CCDC85C: variants seen among roughly 807,000 people sequenced by gnomAD.
CCDC85C encodes coiled-coil domain containing 85C.
A neutral mutation model predicts 38.3 loss-of-function variants in CCDC85C; 18 were observed. The ratio of observed to expected loss-of-function variants is 0.47; its 90% CI spans 0.33 to 0.70. The LOEUF (loss-of-function observed/expected upper bound fraction) is 0.70. Ranked by LOEUF, CCDC85C falls within the 30% of genes least tolerant of loss-of-function variation. The probability of loss-of-function intolerance (pLI) is 0.03; values close to 1 mark genes in which losing one functional copy is unlikely to be tolerated. For missense variants in CCDC85C, 566 were observed against 621.2 expected (o/e 0.91, Z 0.94); for synonymous variants, 264 against 293.8 (o/e 0.90, Z 1.04).
At chr14:99,573,107 G>A (rs1898391018) in intron 1 of CCDC85C, 1 of 305,550 alleles carries the variant, frequency 3.3e-6, no homozygotes, top group African/African-American at 2.2e-5. Flanking sequence ...AGACCAGGCA[G>A]GGACTCAGGC....
rs773413663 is a variant in CCDC85C at position 99,500,861 on chromosome 14, G to A, written c.*14385C>T. 91 of 1,532,650 alleles carry A rather than the reference G, an allele frequency of 5.9e-5. No individual in the cohort carries two copies. The highest frequency in any genetic ancestry group is 7.9e-5 in the Non-Finnish European group (89 of 1,133,736). The allele number at this position is 1,532,650 out of a possible 1,614,324, so 94.9% of individuals were successfully genotyped here. A position where few individuals can be genotyped will look rare whatever the true frequency, so the allele number is the denominator to read the frequency against. On this transcript the variant is annotated 3_prime_UTR_variant, in exon 6 of 6. Transcript: ENST00000380243. ...ACCAGTTCCTACTAAAATATGCAAA[G>A]CAACTCAAAGGTAAGAAGAAAGTTT... is the stretch of plus-strand genomic sequence containing the variant.
At position 99,522,147 on chromosome 14, in the gene CCDC85C, C is replaced by T; in HGVS notation, c.961G>A (p.Asp321Asn). ...QLASLPPSYQ[D>N]SLQNGPACPA... The stretch of plus-strand genomic sequence containing the variant: ...TGCACACTCACGTTCTGCAGGGAGT[C>T]CTGGTAGGAGGGCGGCAGGGACGCA... Residue 321 changes from aspartate to asparagine, a missense_variant, in exon 3 of 6, where the codon GAC becomes AAC. Around this residue, in one of 3 missense-constraint regions of CCDC85C, gnomAD observed 286 missense variants for 276.4 expected, o/e 1.03. Transcript: ENST00000380243. 2 of 1,550,936 alleles carry T rather than the reference C, an allele frequency of 1.3e-6. No individual in the cohort carries two copies. The highest frequency in any genetic ancestry group is 8.7e-7 in the Non-Finnish European group (1 of 1,146,768).
chr14:99,603,412 T>C lies in CCDC85C; in HGVS notation c.548A>G (p.Gln183Arg). ...GAGSRSSIDS[Q>R]ASLSGPLSGG... Reference sequence around the variant, plus strand: ...CGACAGCGGCCCGCTCAGGCTGGCCTGGCTGTCGATGGAGCTGCGGGAGCC... The same window carrying C: ...CGACAGCGGCCCGCTCAGGCTGGCCCGGCTGTCGATGGAGCTGCGGGAGCC... The change falls in exon 1 of 6, where the codon CAG becomes CGG. Residue 183 changes from glutamine to arginine, a missense_variant. Physicochemically the swap from Gln to Arg is conservative, Grantham distance 43. This residue lies in a region of CCDC85C where 269 missense variants were observed against 308.2 expected (regional missense o/e 0.87). Coordinates refer to ENST00000380243, the MANE Select transcript of CCDC85C (RefSeq NM_001144995.2). The surrounding 1 kb of genome is among the most constrained non-coding windows in gnomAD (Gnocchi z 7.5). The C allele has an allele frequency of 7.9e-7, 1 of 1,267,764 alleles. No individual in the cohort carries two copies. Among genetic ancestry groups the C allele is most frequent in the South Asian group, 2.7e-5 (1 of 36,548 alleles). The allele number at this position is 1,267,764 out of a possible 1,614,324, so 78.5% of individuals were successfully genotyped here.
chr14:99,556,301 C>G (rs999023585), intron 1 of CCDC85C, among the ~76,000 whole-genome samples: 1 of 152,088 alleles, frequency 6.6e-6, no homozygotes, highest in Non-Finnish European at 1.5e-5. Context: ...GCCTGTAGTC[C>G]CAGCTACTTG....
intron 1 of CCDC85C, among the ~76,000 whole-genome samples, chr14:99,591,764 T>C (rs2055090935): frequency 6.7e-6 from 1 of 148,198 alleles, no homozygotes; most frequent in Non-Finnish European, 1.5e-5. Flanking sequence ...AAATGGAGTC[T>C]CACTCTGTCA....
chr14:99,585,527 A>C (rs548591344), intron 1 of CCDC85C, among the ~76,000 whole-genome samples: 1 of 152,320 alleles, frequency 6.6e-6, no homozygotes, highest in African/African-American at 2.4e-5. Context: ...GCAAGGGTCA[A>C]ATGAGTGAAT....
At chr14:99,573,847 T>C (rs904711681) in intron 1 of CCDC85C, among the ~76,000 whole-genome samples, 1 of 152,096 alleles carries the variant, frequency 6.6e-6, no homozygotes, top group Non-Finnish European at 1.5e-5. Context: ...TTAGAGCCCA[T>C]AGCCTCACTC....
rs758353640 is a variant in CCDC85C, at chr14:99,513,029, G to GT, written c.*2216dup. The stretch of plus-strand genomic sequence containing the variant: ...GGGTCACCAGCTTTGTGCTGCCTCC[G>GT]TAACAGCAGGAGGGTTCTCAAAGCA... On this transcript the variant is annotated 3_prime_UTR_variant, in exon 6 of 6. Coordinates refer to ENST00000380243, the MANE Select transcript of CCDC85C (RefSeq NM_001144995.2). The GT allele has an allele frequency of 3.3e-5, 5 of 152,230 alleles. No individual in the cohort carries two copies. The highest frequency in any genetic ancestry group is 4.8e-5 in the African/African-American group (2 of 41,454). The allele number at this position is 152,230 out of a possible 1,614,324, so 9.4% of individuals were successfully genotyped here. A position where few individuals can be genotyped will look rare whatever the true frequency, so the allele number is the denominator to read the frequency against.
In CCDC85C at chr14:99,503,754, T is replaced by G; in HGVS notation, c.*11492A>C. 1.1e-6 allele frequency: 1 copy of G among 921,344 alleles called. No individual in the cohort carries two copies. The highest frequency in any genetic ancestry group is 2.7e-5 in the East Asian group (1 of 37,734). The allele number at this position is 921,344 out of a possible 1,614,324, so 57.1% of individuals were successfully genotyped here. A position where few individuals can be genotyped will look rare whatever the true frequency, so the allele number is the denominator to read the frequency against. ...ATCTAAATTGGCCTTAAATCTTAAC[T>G]TTAGAGCTCATACAAAACTTTTCCA... On this transcript the variant is annotated 3_prime_UTR_variant, in exon 6 of 6. Transcript: ENST00000380243.
rs1312934663 is a variant in CCDC85C at position 99,561,056 on chromosome 14, G to T, written c.794-24968C>A. ...GGGCAGGGCTGCATTTGCAGAGAGG[G>T]CTCTGCTGCTCCCTTCGGCAGAATC... is the stretch of plus-strand genomic sequence containing the variant. On this transcript the variant is annotated intron_variant, in intron 1 of 5. Transcript: ENST00000380243. Among the ~76,000 whole-genome samples, 6 of 152,186 alleles carry T rather than the reference G, an allele frequency of 3.9e-5. No individual in the cohort carries two copies. The South Asian group carries it at 1.0e-3, about 26-fold the overall frequency.
At position 99,569,350 on chromosome 14, in the gene CCDC85C, G is replaced by C. The variant is rs545486416; in HGVS notation, c.794-33262C>G. Among the ~76,000 whole-genome samples, 19 of 152,340 alleles carry C rather than the reference G, an allele frequency of 1.2e-4. No homozygotes were observed. In the South Asian group the frequency reaches 3.3e-3, roughly 27 times the overall value. ...CCAAAACAAACAGGCTGCTGGGCCA[G>C]TGGGGTGTGTGCTCGGCTCCACCAG... On this transcript the variant is annotated intron_variant, in intron 1 of 5. Transcript: ENST00000380243. This position sits in a 1 kb window ranked among gnomAD's most constrained non-coding sequence, Gnocchi z 4.3.
chr14:99,510,314 C>A lies in CCDC85C; in HGVS notation c.*4932G>T. The A allele has an allele frequency of 6.4e-7, 1 of 1,567,328 alleles. No individual in the cohort carries two copies. The highest frequency in any genetic ancestry group is 8.7e-7 in the Non-Finnish European group (1 of 1,147,782). ...CACACCGGCCCCCGCCCCCACCCCCCTCCAGCTACATGACCGGGATGTCCA... is the reference window on the plus strand; with the variant it reads ...CACACCGGCCCCCGCCCCCACCCCCATCCAGCTACATGACCGGGATGTCCA... On this transcript the variant is annotated 3_prime_UTR_variant, in exon 6 of 6. Coordinates refer to ENST00000380243, the MANE Select transcript of CCDC85C (RefSeq NM_001144995.2).
In CCDC85C at chr14:99,569,548, T is replaced by C. The variant is rs1420233622; in HGVS notation, c.794-33460A>G. Among the ~76,000 whole-genome samples, 2 of 152,142 alleles carry C rather than the reference T, an allele frequency of 1.3e-5. No homozygotes were observed. The highest frequency in any genetic ancestry group is 2.9e-5 in the Non-Finnish European group (2 of 68,020). On this transcript the variant is annotated intron_variant, in intron 1 of 5. Transcript: ENST00000380243. The surrounding 1 kb of genome is among the most constrained non-coding windows in gnomAD (Gnocchi z 4.3). Reference sequence around the variant, plus strand: ...CCAATGCCACCTACCCAGGAAGGCTTTGAACAGACAAGAGACAGTGATTCA... The same window carrying C: ...CCAATGCCACCTACCCAGGAAGGCTCTGAACAGACAAGAGACAGTGATTCA...
In CCDC85C at chr14:99,603,421, A is replaced by G; in HGVS notation, c.539T>C (p.Ile180Thr). ...CCCGCTCAGGCTGGCCTGGCTGTCG[A>G]TGGAGCTGCGGGAGCCGGCGCCGCC... ...GGGGAGSRSS[I>T]DSQASLSGPL... Residue 180 changes from isoleucine (I) to threonine (T), a missense_variant, in exon 1 of 6, where the codon ATC (isoleucine) becomes ACC (threonine). Coordinates refer to ENST00000380243, the MANE Select transcript of CCDC85C (RefSeq NM_001144995.2). This position sits in a 1 kb window ranked among gnomAD's most constrained non-coding sequence, Gnocchi z 7.5. 3 of 1,270,540 alleles carry G rather than the reference A, an allele frequency of 2.4e-6. No individual in the cohort carries two copies. Among genetic ancestry groups the G allele is most frequent in the Non-Finnish European group, 3.0e-6 (3 of 1,012,116 alleles). The allele number at this position is 1,270,540 out of a possible 1,614,324, so 78.7% of individuals were successfully genotyped here. A position where few individuals can be genotyped will look rare whatever the true frequency, so the allele number is the denominator to read the frequency against.
Position 99,572,386 on chromosome 14 carries a change from G to A in CCDC85C, c.793+30781C>T, listed in dbSNP as rs1004391540. Among the ~76,000 whole-genome samples the A allele has an allele frequency of 5.9e-5, 9 of 152,322 alleles. No individual in the cohort carries two copies. In the East Asian group the frequency reaches 1.2e-3, roughly 20 times the overall value. ...GGGACACTGCGGGCGCTGCGGGCTA[G>A]TGTCTCAGCCTGCAATCCCGGCTCC... On this transcript the variant is annotated intron_variant, in intron 1 of 5. Coordinates refer to ENST00000380243, the MANE Select transcript of CCDC85C (RefSeq NM_001144995.2). This position sits in a 1 kb window ranked among gnomAD's most constrained non-coding sequence, Gnocchi z 4.4.
chr14:99,546,451 C>CT (rs1349848920), intron 1 of CCDC85C, among the ~76,000 whole-genome samples: 2 of 152,070 alleles, frequency 1.3e-5, no homozygotes, highest in Non-Finnish European at 2.9e-5. Context: ...GGCACTTGAT[C>CT]TGCGGTGAGA....
chr14:99,534,422 C>CCCA (rs951795646), intron 2 of CCDC85C, among the ~76,000 whole-genome samples: 19 of 152,034 alleles, frequency 1.2e-4, no homozygotes, highest in Non-Finnish European at 2.5e-4. Flanking sequence ...GAGCTTCCAA[C>CCCA]CCACTTCTCC....
chr14:99,532,460 A>C (rs1198366149), intron 2 of CCDC85C, among the ~76,000 whole-genome samples: 1 of 152,230 alleles, frequency 6.6e-6, no homozygotes, highest in Non-Finnish European at 1.5e-5. Context: ...CTGGCCTGCC[A>C]GCCCTGCATC....
intron 1 of CCDC85C, among the ~76,000 whole-genome samples, chr14:99,585,500 A>G (rs917649812): frequency 2.0e-5 from 3 of 152,240 alleles, no homozygotes; most frequent in Middle Eastern, 3.2e-3. Context: ...AATGGGGAAC[A>G]TAAGTGTCTT....
Sources: gnomAD v4.1 joint callset for allele counts (sites outside exome capture counted in the v4.1 genomes callset) on GRCh38, gnomAD v4.1.1 for gene constraint, gnomAD v4.1.1 regional missense constraint, Gnocchi (gnomAD v3.1) non-coding constraint, MANE v1.5 for transcripts, NCBI Gene and HGNC (gene_info 2026-07-23, HGNC 2026-07-21) for gene names.